Variants in PRKAG2 observed in about 807,000 individuals in gnomAD.
PRKAG2 encodes the protein protein kinase AMP-activated non-catalytic subunit gamma 2.
A neutral mutation model predicts 69.6 loss-of-function variants in PRKAG2; 26 were observed. The observed-to-expected ratio is 0.37, with a 90% CI of 0.27 to 0.52. The LOEUF (loss-of-function observed/expected upper bound fraction) is 0.52. Among genes scored for constraint, PRKAG2 ranks in the 20% least tolerant of loss-of-function variants. The pLI, the probability that PRKAG2 is intolerant of heterozygous loss-of-function variation, is 0.90. For synonymous variants in PRKAG2, 293 were observed against 285.0 expected, an observed-to-expected ratio of 1.03 and a Z score of -0.28; for missense variants, 557 against 740.0, an observed-to-expected ratio of 0.75 and a Z score of 2.87.
chr7:151,631,366 C>T (rs1398333552), intron 5 of PRKAG2, among the ~76,000 whole-genome samples: 1 of 152,136 alleles, frequency 6.6e-6, no homozygotes, highest in Non-Finnish European at 1.5e-5. Context: ...AAATAAGATC[C>T]TGGTGAAAGC....
At chr7:151,867,543 GA>G (rs1392114948) in intron 1 of PRKAG2, among the ~76,000 whole-genome samples, 1 of 152,198 alleles carries the variant, frequency 6.6e-6, no homozygotes, top group East Asian at 1.9e-4. Flanking sequence ...CATAGTGGAT[GA>G]GGGCCGGTCC....
intron 3 of PRKAG2, among the ~76,000 whole-genome samples, chr7:151,707,853 G>C (rs923105818): frequency 6.6e-6 from 1 of 152,220 alleles, no homozygotes; most frequent in African/African-American, 2.4e-5. Flanking sequence ...GGGGCCACCG[G>C]GGCCAAAGAA....
At chr7:151,594,393 G>A (rs1186940240) in intron 6 of PRKAG2, among the ~76,000 whole-genome samples, 2 of 152,188 alleles carry the variant, frequency 1.3e-5, no homozygotes, top group Admixed American at 6.5e-5. Context: ...ACACCCATTT[G>A]ATTACACTGA....
intron 3 of PRKAG2, among the ~76,000 whole-genome samples, chr7:151,769,814 C>T (rs2075929331): frequency 6.6e-6 from 1 of 152,146 alleles, no homozygotes; most frequent in Admixed American, 6.5e-5. Flanking sequence ...CTGACATGGC[C>T]GAGGGTGCAC....
chr7:151,668,475 G>C (rs185033391), intron 4 of PRKAG2, among the ~76,000 whole-genome samples: 66 of 152,340 alleles, frequency 4.3e-4, no homozygotes, highest in Admixed American at 6.5e-4. Flanking sequence ...ATATGTCCTC[G>C]ATTCATTTTA....
intron 1 of PRKAG2, among the ~76,000 whole-genome samples, chr7:151,854,981 ATGCTCCACACACACCATGC>A (rs2079673456): frequency 1.4e-4 from 3 of 22,132 alleles, no homozygotes; most frequent in African/African-American, 5.2e-4. Flanking sequence ...CACACACACC[ATGCTCCACACACACCATGC>A]TCCACACACA....
chr7:151,855,221 A>ACCCTCCACACACAC (rs2079707883), intron 1 of PRKAG2, among the ~76,000 whole-genome samples: 2 of 3,620 alleles, frequency 5.5e-4, no homozygotes, highest in Non-Finnish European at 5.2e-4. Flanking sequence ...CACACACACC[A>ACCCTCCACACACAC]CGCTCCACAC....
chr7:151,582,013 G>A (rs1338046334), intron 6 of PRKAG2, among the ~76,000 whole-genome samples: 3 of 152,326 alleles, frequency 2.0e-5, no homozygotes, highest in Non-Finnish European at 2.9e-5. Flanking sequence ...TAATACAGAC[G>A]TTAGAAACTG....
chr7:151,722,823 C>T (rs1281040453), intron 3 of PRKAG2, among the ~76,000 whole-genome samples: 1 of 152,120 alleles, frequency 6.6e-6, no homozygotes, highest in African/African-American at 2.4e-5. Context: ...TAGATAGGCA[C>T]AGGCCCGGCA....
At chr7:151,775,388 A>G (rs1473732343) in intron 3 of PRKAG2, among the ~76,000 whole-genome samples, 1 of 152,194 alleles carries the variant, frequency 6.6e-6, no homozygotes, top group African/African-American at 2.4e-5. Flanking sequence ...TCTTGGAAAG[A>G]TCCACGAATT....
chr7:151,636,544 C>T (rs757745948), intron 4 of PRKAG2, among the ~76,000 whole-genome samples: 11 of 152,154 alleles, frequency 7.2e-5, no homozygotes, highest in Non-Finnish European at 1.6e-4. Flanking sequence ...TTTATCCTTT[C>T]GTCAGCTGAT....
At chr7:151,808,211 G>A (rs1275724279) in intron 1 of PRKAG2, among the ~76,000 whole-genome samples, 2 of 152,200 alleles carry the variant, frequency 1.3e-5, no homozygotes, top group Non-Finnish European at 2.9e-5. Context: ...AGTGCATCTG[G>A]CAGGACTCTA....
At chr7:151,595,203 A>T in intron 6 of PRKAG2, 142 bp downstream of exon 6, 1 of 654,398 alleles carries the variant, frequency 1.5e-6, no homozygotes, top group East Asian at 2.8e-5. Flanking sequence ...GATGTTGAGA[A>T]TTCAGATAAA....
At chr7:151,810,180 C>T (rs2078343669) in intron 1 of PRKAG2, 2 of 152,234 alleles carry the variant, frequency 1.3e-5, no homozygotes, top group African/African-American at 4.8e-5. Context: ...CCTTAGAGAG[C>T]ACCCCCAAAT....
intron 3 of PRKAG2, among the ~76,000 whole-genome samples, chr7:151,703,845 A>AACAC (rs535818189): frequency 0.055 from 4,830 of 88,398 alleles, 189 homozygotes; most frequent in Non-Finnish European, 0.061. Flanking sequence ...TTTACTGGAA[A>AACAC]ACACACACAC....
chr7:151,694,953 C>T (rs1836350888), intron 3 of PRKAG2, among the ~76,000 whole-genome samples: 1 of 152,272 alleles, frequency 6.6e-6, no homozygotes, highest in South Asian at 2.1e-4. Flanking sequence ...TGTGCCCATG[C>T]CTGTCCCTTC....
chr7:151,812,837 T>C (rs183214128), intron 1 of PRKAG2, among the ~76,000 whole-genome samples: 1 of 151,532 alleles, frequency 6.6e-6, no homozygotes, highest in East Asian at 1.9e-4. Context: ...GAAGATTAAA[T>C]ATTTTAGATT....
intron 1 of PRKAG2, among the ~76,000 whole-genome samples, chr7:151,801,827 G>T (rs981779332): frequency 6.6e-6 from 1 of 152,192 alleles, no homozygotes; most frequent in Non-Finnish European, 1.5e-5. Flanking sequence ...AAAACAGGGG[G>T]TTGTTTGCGT....
chr7:151,590,413 G>A (rs1330503694), intron 6 of PRKAG2, among the ~76,000 whole-genome samples: 1 of 152,240 alleles, frequency 6.6e-6, no homozygotes, highest in Non-Finnish European at 1.5e-5. Context: ...CACCAGGTTT[G>A]ATGGGAAAGC....
Sources: gnomAD v4.1 joint callset for allele counts (sites outside exome capture counted in the v4.1 genomes callset) on GRCh38, gnomAD v4.1.1 for gene constraint, MANE v1.5 for transcripts, NCBI Gene and HGNC (gene_info 2026-07-23, HGNC 2026-07-21) for gene names.